Variants in RBM6 observed in about 807,000 individuals in gnomAD.
RBM6 encodes the protein RNA-binding protein 6.
In RBM6, 23 loss-of-function variants were observed where a neutral mutation model predicts 140.4. The observed-to-expected ratio is 0.16, with a 90% CI of 0.12 to 0.23. The LOEUF (loss-of-function observed/expected upper bound fraction) is 0.23, where lower values mean the gene tolerates loss of function less well. Ranked by LOEUF, RBM6 falls within the 10% of genes least tolerant of loss-of-function variation. The pLI is 1.00. For missense variants in RBM6, 1,139 were observed against 1,386.7 expected, an observed-to-expected ratio of 0.82 and a Z score of 2.84; for synonymous variants, 439 against 475.6, an observed-to-expected ratio of 0.92 and a Z score of 1.00.
Position 50,070,483 on chromosome 3 carries a change from G to A in RBM6, c.3047G>A (p.Arg1016His), listed in dbSNP as rs142946887. The A allele has an allele frequency of 1.6e-4, 255 of 1,613,896 alleles. No individual in the cohort carries two copies. The African/African-American group carries it at 2.3e-3, about 15-fold the overall frequency. ...AAGTTTAAAGGAAGAGGAAATGATC[G>A]CAGGGAAAAGCTCCAGTCTTTTGAC... ...EGKFKGRGND[R>H]REKLQSFDSP... The change falls in exon 19 of 21, where the codon CGC (arginine) becomes CAC (histidine). Residue 1016 changes from arginine (R) to histidine (H), a missense_variant. Physicochemically the swap from Arg to His is conservative, Grantham distance 29 (BLOSUM62 0). This residue lies in a region of RBM6 where 125 missense variants were observed against 142.0 expected (regional missense o/e 0.88). Transcript: ENST00000266022.
chr3:50,074,022 G>T (rs886939967), intron 19 of RBM6, among the ~76,000 whole-genome samples: 2 of 151,982 alleles, frequency 1.3e-5, no homozygotes, highest in African/African-American at 4.8e-5. Context: ...GTAGAGAGGG[G>T]TTTCACCTGT....
At chr3:49,993,771 AGGT>A (rs2085939861) in intron 5 of RBM6, among the ~76,000 whole-genome samples, 1 of 152,038 alleles carries the variant, frequency 6.6e-6, no homozygotes, top group Non-Finnish European at 1.5e-5. Flanking sequence ...TAAGATTTCA[AGGT>A]GATGGGCTGG....
Position 50,062,081 on chromosome 3 carries a change from G to A in RBM6, c.2559G>A (p.Lys853=). The A allele has an allele frequency of 6.2e-7, 1 of 1,613,192 alleles. No individual in the cohort carries two copies. The highest frequency in any genetic ancestry group is 8.5e-7 in the Non-Finnish European group (1 of 1,179,706). The stretch of plus-strand genomic sequence containing the variant: ...AGGAAATGTCTAAAAGAGATGGCAA[G>A]GAGAAAAAAGACAGAGGAGTGACGA... ...SKKEMSKRDG[K]EKKDRGVTRF... is the part of the protein sequence containing the mutation. The change falls in exon 15 of 21, where the codon AAG becomes AAA. Residue 853 remains lysine (K), a synonymous_variant. Coordinates refer to ENST00000266022, the MANE Select transcript of RBM6 (RefSeq NM_005777.3).
At chr3:50,070,893 C>T (rs1030117222) in intron 19 of RBM6, among the ~76,000 whole-genome samples, 1 of 152,240 alleles carries the variant, frequency 6.6e-6, no homozygotes, top group Non-Finnish European at 1.5e-5. Flanking sequence ...CCTCCATTCT[C>T]ACACATAGGT....
At chr3:49,991,242 T>C (rs2085806386) in intron 5 of RBM6, among the ~76,000 whole-genome samples, 1 of 152,234 alleles carries the variant, frequency 6.6e-6, no homozygotes. Flanking sequence ...GTCTCTGTCC[T>C]GTGGAATATG....
At chr3:49,950,476 C>T (rs2083685499) in intron 1 of RBM6, among the ~76,000 whole-genome samples, 1 of 152,094 alleles carries the variant, frequency 6.6e-6, no homozygotes, top group Non-Finnish European at 1.5e-5. Context: ...AAAGGCAAGG[C>T]CAGGCGTGGT....
intron 5 of RBM6, among the ~76,000 whole-genome samples, chr3:49,997,562 CT>C (rs1404824432): frequency 3.9e-5 from 6 of 152,182 alleles, no homozygotes; most frequent in African/African-American, 1.4e-4. Context: ...GAGAGGGTTG[CT>C]TTCCACACAC....
At chr3:50,013,725 AC>A (rs1254442709) in intron 6 of RBM6, among the ~76,000 whole-genome samples, 1 of 152,180 alleles carries the variant, frequency 6.6e-6, no homozygotes, top group Middle Eastern at 3.2e-3. Flanking sequence ...AAGAGGAGGG[AC>A]TATGTGCTAG....
intron 1 of RBM6, among the ~76,000 whole-genome samples, chr3:49,958,075 C>G: frequency 6.6e-6 from 1 of 152,198 alleles, no homozygotes; most frequent in East Asian, 1.9e-4. Context: ...CAGGTGTGAG[C>G]CACCGCACCT....
chr3:49,952,525 A>G lies in RBM6; in HGVS notation c.-66-10051A>G, dbSNP rs768268351. Among the ~76,000 whole-genome samples the G allele has an allele frequency of 4.7e-5, 7 of 148,738 alleles. No individual in the cohort carries two copies. The South Asian group carries it at 1.3e-3, about 27-fold the overall frequency. ...TTGTTTTTTTTTTTTTTTGAGACGAAGTTTTGCTCTTGTTGCCCAGGCTGG... is the reference window on the plus strand; with the variant it reads ...TTGTTTTTTTTTTTTTTTGAGACGAGGTTTTGCTCTTGTTGCCCAGGCTGG... On this transcript the variant is annotated intron_variant, in intron 1 of 20. Coordinates refer to ENST00000266022, the MANE Select transcript of RBM6 (RefSeq NM_005777.3).
At chr3:50,035,830 G>A (rs932928600) in intron 6 of RBM6, among the ~76,000 whole-genome samples, 12 of 151,262 alleles carry the variant, frequency 7.9e-5, no homozygotes, top group African/African-American at 1.9e-4. Flanking sequence ...GCGTGATTTC[G>A]GCTCACTGCA....
Position 50,056,503 on chromosome 3 carries a change from C to CCACA in RBM6, c.1694-1223_1694-1222insCACA, listed in dbSNP as rs1262781590. Reference sequence around the variant, plus strand: ...TAGAGACAGGGTTTCACTGTGTTAGCCAGGATGGTCTCGATCTCCTGACCT... The same window carrying CCACA: ...TAGAGACAGGGTTTCACTGTGTTAGCCACACAGGATGGTCTCGATCTCCTGACCT... On this transcript the variant is annotated intron_variant, in intron 8 of 20. Coordinates refer to ENST00000266022, the MANE Select transcript of RBM6 (RefSeq NM_005777.3). 2.0e-5 allele frequency among the ~76,000 whole-genome samples: 3 copies of CCACA among 152,148 alleles called. No homozygotes were observed. The East Asian group carries it at 5.8e-4, about 29-fold the overall frequency.
intron 6 of RBM6, among the ~76,000 whole-genome samples, chr3:50,041,988 A>G (rs1251181682): frequency 6.6e-6 from 1 of 152,214 alleles, no homozygotes; most frequent in African/African-American, 2.4e-5. Flanking sequence ...TGTGTTGCTA[A>G]TTAGCTCTGT....
intron 1 of RBM6, among the ~76,000 whole-genome samples, chr3:49,946,739 T>G (rs1020334414): frequency 2.6e-5 from 4 of 151,918 alleles, no homozygotes; most frequent in African/African-American, 9.7e-5. Context: ...TTCACCATAT[T>G]AGCCAGGCTG....
intron 6 of RBM6, among the ~76,000 whole-genome samples, chr3:50,015,606 A>T (rs2087099224): frequency 6.9e-6 from 1 of 144,994 alleles, no homozygotes; most frequent in South Asian, 2.2e-4. Flanking sequence ...AATTTTTTGA[A>T]TTTTTTTAGT....
intron 5 of RBM6, among the ~76,000 whole-genome samples, chr3:49,979,575 G>T (rs982918819): frequency 6.6e-6 from 1 of 151,862 alleles, no homozygotes; most frequent in African/African-American, 2.4e-5. Context: ...AAGTAACTGG[G>T]ATTACAGGTG....
At chr3:50,033,088 G>A (rs957110333) in intron 6 of RBM6, among the ~76,000 whole-genome samples, 6 of 150,354 alleles carry the variant, frequency 4.0e-5, no homozygotes, top group African/African-American at 1.5e-4. Context: ...CCTGAGGTCA[G>A]GAGTTTGAGA....
At position 49,968,643 on chromosome 3, in the gene RBM6, C is replaced by T. The variant is rs2084620265; in HGVS notation, c.1218C>T (p.Tyr406=). 3 of 1,614,120 alleles carry T rather than the reference C, an allele frequency of 1.9e-6. No individual in the cohort carries two copies. The highest frequency in any genetic ancestry group is 2.5e-6 in the Non-Finnish European group (3 of 1,180,036). ...RQDTDYRSME[Y]RDVDHRLPGS... is the part of the protein sequence containing the mutation. ...ACACCGATTACAGAAGCATGGAGTA[C>T]CGTGATGTGGATCATAGGCTGCCAG... Residue 406 remains tyrosine (Y), a synonymous_variant, in exon 3 of 21, where the codon TAC becomes TAT. Coordinates refer to ENST00000266022, the MANE Select transcript of RBM6 (RefSeq NM_005777.3).
At chr3:50,038,989 T>C in intron 6 of RBM6, among the ~76,000 whole-genome samples, 1 of 152,164 alleles carries the variant, frequency 6.6e-6, no homozygotes, top group East Asian at 1.9e-4. Flanking sequence ...TATTTTAGGG[T>C]TAACTGATTC....
Sources: allele counts gnomAD v4.1 joint callset (sites outside exome capture counted in the v4.1 genomes callset), GRCh38; gene constraint gnomAD v4.1.1; regional missense constraint gnomAD v4.1.1; transcripts MANE v1.5; gene names NCBI Gene and HGNC (gene_info 2026-07-23, HGNC 2026-07-21).